The following ATRX variants were observed in gnomAD, a reference collection of about 807,000 sequenced individuals.
ATRX encodes ATRX chromatin remodeler, also known as chromatin remodeler ATRX.
In ATRX, 12 loss-of-function variants were observed where a neutral mutation model predicts 172.6. That is an observed-to-expected ratio of 0.07 (90% CI 0.04 to 0.11). ATRX has a LOEUF of 0.11. ATRX is among the 10% of genes least tolerant of loss of function. The pLI, the probability that ATRX is intolerant of heterozygous loss-of-function variation, is 1.00. For synonymous variants in ATRX, 674 were observed against 594.7 expected, an observed-to-expected ratio of 1.13 and a Z score of -1.94; for missense variants, 1,368 against 1,767.4, an observed-to-expected ratio of 0.77 and a Z score of 4.05.
intron 12 of ATRX, 110 bp from the exon 13 acceptor site, chrX:77,656,763 A>C: frequency 1.7e-6 from 1 of 599,008 alleles, no homozygotes; most frequent in Non-Finnish European, 2.7e-6. Flanking sequence ...AGAACATCAG[A>C]GGTATATATG....
chrX:77,684,891 C>G, intron 8 of ATRX, 48 bp downstream of exon 8: 1 of 1,057,624 alleles, frequency 9.5e-7, no homozygotes, highest in East Asian at 3.0e-5. Context: ...GTAACAATTC[C>G]TCCCAAAAGT....
At chrX:77,603,592 T>C (rs1557088528) in intron 22 of ATRX, among the ~76,000 whole-genome samples, 1 of 107,569 alleles carries the variant, frequency 9.3e-6, no homozygotes, top group Non-Finnish European at 1.9e-5. Context: ...GCCAGGTTGG[T>C]CTTGAACTCC....
intron 1 of ATRX, among the ~76,000 whole-genome samples, chrX:77,740,902 A>G (rs2148846359): frequency 9.0e-6 from 1 of 110,978 alleles, no homozygotes; most frequent in South Asian, 3.8e-4. Context: ...GGATTGCTTG[A>G]GCTCAGGAGT....
chrX:77,748,818 C>T (rs1356252411), intron 1 of ATRX, among the ~76,000 whole-genome samples: 2 of 110,718 alleles, frequency 1.8e-5, no homozygotes, highest in Admixed American at 1.9e-4. Flanking sequence ...AACTCCTGAC[C>T]TCAGGTGATC....
At position 77,683,541 on chromosome X, in the gene ATRX, C is replaced by T. The variant is rs2148616315; in HGVS notation, c.1715G>A (p.Gly572Glu). Residue 572 changes from glycine to glutamate, a missense_variant, in exon 9 of 35, where the codon GGA becomes GAA. Physicochemically the swap from Gly to Glu is moderately conservative, Grantham distance 98 (BLOSUM62 -2). Coordinates refer to ENST00000373344, the MANE Select transcript of ATRX (RefSeq NM_000489.6). ...KLNISSKDNRGGIKSKTTAKV... is the reference protein window; with the variant it reads ...KLNISSKDNREGIKSKTTAKV... ...AGCTGTAGTTTTTGATTTAATACCT[C>T]CTCTGTTGTCTTTTGAAGAAATATT... is the stretch of plus-strand genomic sequence containing the variant. The T allele has an allele frequency of 1.7e-6, 2 of 1,209,230 alleles. No individual in the cohort carries two copies. Among genetic ancestry groups the T allele is most frequent in the Non-Finnish European group, 2.2e-6 (2 of 893,576 alleles).
intron 15 of ATRX, among the ~76,000 whole-genome samples, chrX:77,640,631 G>A (rs781832045): frequency 4.5e-5 from 5 of 110,458 alleles, no homozygotes; most frequent in South Asian, 7.9e-4. Context: ...AAGACACCAC[G>A]GGACCCTGAT....
chrX:77,634,612 G>A lies in ATRX; in HGVS notation c.4791C>T (p.Gly1597=), dbSNP rs782145550. The A allele has an allele frequency of 8.3e-7, 1 of 1,208,226 alleles. No homozygotes were observed. Among genetic ancestry groups the A allele is most frequent in the Non-Finnish European group, 1.1e-6 (1 of 892,744 alleles). Residue 1597 remains glycine, a synonymous_variant, in exon 17 of 35, where the codon GGC becomes GGT. Coordinates refer to ENST00000373344, the MANE Select transcript of ATRX (RefSeq NM_000489.6). ...GSGCILAHCM[G]LGKTLQVVSF... ...CTCTTACCTGTAAAGTCTTACCAAG[G>A]CCCATACAGTGGGCAAGAATGCATC...
At chrX:77,626,034 T>TGC (rs2067822142) in intron 19 of ATRX, among the ~76,000 whole-genome samples, 1 of 2,812 alleles carries the variant, frequency 3.6e-4, no homozygotes, top group African/African-American at 1.4e-3. Context: ...GTGGCATATA[T>TGC]ATATATATAT....
intron 1 of ATRX, among the ~76,000 whole-genome samples, chrX:77,748,184 A>G (rs1351648292): frequency 8.9e-6 from 1 of 112,311 alleles, no homozygotes; most frequent in Non-Finnish European, 1.9e-5. Flanking sequence ...ATAAAACAAT[A>G]TAAGAAAGTT....
chrX:77,597,115 T>G (rs2066492410), intron 25 of ATRX, among the ~76,000 whole-genome samples: 1 of 111,287 alleles, frequency 9.0e-6, no homozygotes, highest in Non-Finnish European at 1.9e-5. Context: ...CTATAATAAT[T>G]TATTATTCTG....
chrX:77,657,000 A>G (rs2069588361), intron 12 of ATRX, among the ~76,000 whole-genome samples: 1 of 111,875 alleles, frequency 8.9e-6, no homozygotes, highest in African/African-American at 3.2e-5. Flanking sequence ...CAAAACAAGC[A>G]AGGTAGGCTG....
intron 1 of ATRX, among the ~76,000 whole-genome samples, chrX:77,752,878 A>G (rs1403750795): frequency 9.0e-6 from 1 of 111,653 alleles, no homozygotes; most frequent in Non-Finnish European, 1.9e-5. Flanking sequence ...CCAGTATTTT[A>G]TTGAGGATTT....
intron 12 of ATRX, among the ~76,000 whole-genome samples, chrX:77,659,843 A>G (rs2069773020): frequency 8.9e-6 from 1 of 111,762 alleles, no homozygotes; most frequent in African/African-American, 3.2e-5. Flanking sequence ...CCATCTCTCA[A>G]TTCAAATTTC....
chrX:77,686,911 T>C (rs974473276), intron 7 of ATRX, among the ~76,000 whole-genome samples: 16 of 108,687 alleles, frequency 1.5e-4, no homozygotes, highest in Non-Finnish European at 3.1e-4. Flanking sequence ...CCCAGCACTT[T>C]GGGAGGCTGA....
chrX:77,653,679 G>C (rs1557118463), intron 14 of ATRX, among the ~76,000 whole-genome samples: 2 of 111,701 alleles, frequency 1.8e-5, no homozygotes. Flanking sequence ...CCTCTGAAGA[G>C]CATTGTGTTG....
chrX:77,590,613 A>C (rs1557079882), intron 26 of ATRX, among the ~76,000 whole-genome samples: 2 of 105,029 alleles, frequency 1.9e-5, no homozygotes, highest in Admixed American at 1.0e-4. Flanking sequence ...CTCTGTCTCA[A>C]AAAAAAAAAA....
chrX:77,746,746 T>C (rs144601588), intron 1 of ATRX, among the ~76,000 whole-genome samples: 2,113 of 112,338 alleles, frequency 0.019, 41 homozygotes, highest in African/African-American at 0.064. Flanking sequence ...CTGGGATTAA[T>C]AACATAAGCA....
rs1557147676 is a variant in ATRX, at chrX:77,692,846, A to AGAGTGTGTGT, written c.484+977_484+978insACACACACTC. ...TTTATAGATGGTTAGCCAATATTAGAGTGTGTGTGTGTGTGTGTGTGTGTG... is the reference window on the plus strand; with the variant it reads ...TTTATAGATGGTTAGCCAATATTAGAGAGTGTGTGTGTGTGTGTGTGTGTGTGTGTGTGTG... On this transcript the variant is annotated intron_variant, in intron 6 of 34. Transcript: ENST00000373344. Among the ~76,000 whole-genome samples, 3 of 82,105 alleles carry AGAGTGTGTGT rather than the reference A, an allele frequency of 3.7e-5. No homozygotes were observed. The East Asian group carries it at 1.2e-3, about 34-fold the overall frequency. 71.3% of individuals were successfully genotyped at this position (82,105 alleles called of 115,157 possible).
intron 7 of ATRX, among the ~76,000 whole-genome samples, chrX:77,686,470 C>A (rs782808963): frequency 8.9e-6 from 1 of 112,298 alleles, no homozygotes; most frequent in South Asian, 3.7e-4. Flanking sequence ...AATCCCAGCA[C>A]TCTGGGAGGA....
Sources: gnomAD v4.1 joint callset for allele counts (sites outside exome capture counted in the v4.1 genomes callset) on GRCh38, gnomAD v4.1.1 for gene constraint, MANE v1.5 for transcripts, NCBI Gene and HGNC (gene_info 2026-07-23, HGNC 2026-07-21) for gene names.